P3H3: variants seen among roughly 807,000 people sequenced by gnomAD.
P3H3 encodes the protein gene rich cluster, B.
Under a neutral mutation model 78.1 loss-of-function variants are expected in P3H3, and 64 were observed. That is an observed-to-expected ratio of 0.82 (90% CI 0.67 to 1.01). The LOEUF is 1.01. Ranked by LOEUF, P3H3 falls within the 50% of genes least tolerant of loss-of-function variation. The pLI is 0.00. For missense variants in P3H3, 975 were observed against 982.2 expected, an observed-to-expected ratio of 0.99 and a Z score of 0.10; for synonymous variants, 425 against 416.7, an observed-to-expected ratio of 1.02 and a Z score of -0.24.
At chr12:6,838,562 G>A (rs782335568) in intron 13 of P3H3, among the ~76,000 whole-genome samples, 4 of 152,108 alleles carry the variant, frequency 2.6e-5, no homozygotes, top group East Asian at 1.9e-4. Context: ...GGAAATTTCC[G>A]GACACCAGGG....
At chr12:6,835,443 G>A (rs1371110666) in intron 9 of P3H3, among the ~76,000 whole-genome samples, 1 of 152,008 alleles carries the variant, frequency 6.6e-6, no homozygotes, top group African/African-American at 2.4e-5. Flanking sequence ...AAATTAGTGG[G>A]CATTGTGGCA....
chr12:6,831,261 T>A lies in P3H3; in HGVS notation c.1031T>A (p.Leu344His). The A allele has an allele frequency of 6.2e-7, 1 of 1,613,836 alleles. No individual in the cohort carries two copies. Among genetic ancestry groups the A allele is most frequent in the African/African-American group, 1.3e-5 (1 of 74,978 alleles). The change falls in exon 5 of 15, where the codon CTC (leucine) becomes CAC (histidine). Residue 344 changes from leucine to histidine, a missense_variant. Leu to His is a moderately conservative substitution (Grantham distance 99, BLOSUM62 -3). Coordinates refer to ENST00000290510, the MANE Select transcript of P3H3 (RefSeq NM_014262.5). The surrounding 1 kb of genome is among the most constrained non-coding windows in gnomAD (Gnocchi z 4.6). ...ATAGAAAATGTCCTGAGTGTCCTGC[T>A]CTTCTACCCGGAGGATGAGGCTGCC... ...QAIENVLSVL[L>H]FYPEDEAAKR...
intron 13 of P3H3, among the ~76,000 whole-genome samples, chr12:6,838,783 T>C (rs907587739): frequency 1.3e-5 from 2 of 152,176 alleles, no homozygotes; most frequent in South Asian, 2.1e-4. Context: ...TGGAGACCCC[T>C]TTTTCCTTTG....
At chr12:6,833,524 C>T in intron 6 of P3H3, 68 bp from the exon 7 acceptor site, 1 of 1,445,610 alleles carries the variant, frequency 6.9e-7, no homozygotes, top group Non-Finnish European at 9.7e-7. Flanking sequence ...TGAGATATTT[C>T]AGCTCTAATG....
rs1286720333 is a variant in P3H3 at position 6,839,683 on chromosome 12, G to A, written c.*222G>A. On this transcript the variant is annotated 3_prime_UTR_variant, in exon 15 of 15. Transcript: ENST00000290510. The stretch of plus-strand genomic sequence containing the variant: ...GCCTGGGGAGCTGGGACGGGGCCCC[G>A]CTGCCGGACCTGCAGCCCTGGACAG... 4 of 580,994 alleles carry A rather than the reference G, an allele frequency of 6.9e-6. No homozygotes were observed. The highest frequency in any genetic ancestry group is 3.7e-5 in the African/African-American group (2 of 53,736). 36.0% of individuals were successfully genotyped at this position (580,994 alleles called of 1,614,324 possible). A position where few individuals can be genotyped will look rare whatever the true frequency, so the allele number is the denominator to read the frequency against.
intron 6 of P3H3, 144 bp from the exon 7 acceptor site, chr12:6,833,448 C>A: frequency 1.4e-6 from 1 of 731,584 alleles, no homozygotes; most frequent in South Asian, 1.6e-5. Context: ...CTGCCCAGGG[C>A]TCCTGACATT....
Position 6,833,734 on chromosome 12 carries a change from C to T in P3H3, c.1266-8C>T, listed in dbSNP as rs782754375. The T allele has an allele frequency of 2.5e-6, 4 of 1,598,118 alleles. No individual in the cohort carries two copies. In the South Asian group the frequency reaches 3.3e-5, roughly 13 times the overall value. On this transcript the variant is annotated splice_polypyrimidine_tract_variant and splice_region_variant and intron_variant, in intron 7 of 14. Coordinates refer to ENST00000290510, the MANE Select transcript of P3H3 (RefSeq NM_014262.5). Reference sequence around the variant, plus strand: ...GGGCACCCACTGAGCGCATCTCTCACCCCTGAGAGAGGATCAAGAGAAGAG... The same window carrying T: ...GGGCACCCACTGAGCGCATCTCTCATCCCTGAGAGAGGATCAAGAGAAGAG...
chr12:6,829,118 G>T lies in P3H3; in HGVS notation c.498+180G>T. On this transcript the variant is annotated intron_variant, in intron 1 of 14. Coordinates refer to ENST00000290510, the MANE Select transcript of P3H3 (RefSeq NM_014262.5). This position sits in a 1 kb window ranked among gnomAD's most constrained non-coding sequence, Gnocchi z 5.1. ...ACCGCGAGGACCTCTTGAGATCGCA[G>T]AGGAGCAGCCGAGGGGGAGTGCGAG... 2.5e-6 allele frequency: 1 copy of T among 405,434 alleles called. No homozygotes were observed. The highest frequency in any genetic ancestry group is 3.6e-5 in the East Asian group (1 of 28,034). 25.1% of individuals were successfully genotyped at this position (405,434 alleles called of 1,614,324 possible). A position where few individuals can be genotyped will look rare whatever the true frequency, so the allele number is the denominator to read the frequency against.
intron 13 of P3H3, among the ~76,000 whole-genome samples, chr12:6,838,604 A>T (rs1193567240): frequency 2.0e-5 from 3 of 152,032 alleles, no homozygotes; most frequent in African/African-American, 7.2e-5. Context: ...AGGGGCAGTG[A>T]TTGTTCATCT....
rs782252502 is a variant in P3H3 at position 6,838,985 on chromosome 12, C to T, written c.1906-15C>T. On this transcript the variant is annotated splice_polypyrimidine_tract_variant and intron_variant, in intron 13 of 14. Coordinates refer to ENST00000290510, the MANE Select transcript of P3H3 (RefSeq NM_014262.5). ...GAGCCAATCCCTGGAGCTGAACCTGCCCTCATCCCTCCAGGCTCGGGTGCG... is the reference window on the plus strand; with the variant it reads ...GAGCCAATCCCTGGAGCTGAACCTGTCCTCATCCCTCCAGGCTCGGGTGCG... 2.6e-6 allele frequency: 4 copies of T among 1,567,932 alleles called. No individual in the cohort carries two copies. The highest frequency in any genetic ancestry group is 1.2e-5 in the South Asian group (1 of 83,470).
chr12:6,831,129 AC>A lies in P3H3; in HGVS notation c.986-85del, dbSNP rs782023902. ...GTTAGCTGTCTGGCCTCTGGAGACC[AC>A]CTTCTCCAGCACTGCCTCTGCCCCA... On this transcript the variant is annotated intron_variant, in intron 4 of 14. Coordinates refer to ENST00000290510, the MANE Select transcript of P3H3 (RefSeq NM_014262.5). The surrounding 1 kb of genome is among the most constrained non-coding windows in gnomAD (Gnocchi z 4.6). 318 of 1,548,696 alleles carry A rather than the reference AC, an allele frequency of 2.1e-4. 6 individuals are homozygous for A. The Middle Eastern group carries it at 5.4e-3, about 26-fold the overall frequency.
At position 6,839,043 on chromosome 12, in the gene P3H3, C is replaced by G. The variant is rs374454909; in HGVS notation, c.1949C>G (p.Ser650Cys). The G allele has an allele frequency of 1.9e-6, 3 of 1,611,908 alleles. No individual in the cohort carries two copies. Among genetic ancestry groups the G allele is most frequent in the Non-Finnish European group, 2.5e-6 (3 of 1,179,212 alleles). The change falls in exon 14 of 15, where the codon TCC (serine) becomes TGC (cysteine). Residue 650 changes from serine (S) to cysteine (C), a missense_variant. Coordinates refer to ENST00000290510, the MANE Select transcript of P3H3 (RefSeq NM_014262.5). ...TGTGGGCGCCTTGTGGCCTTCAGCT[C>G]CGGTGTCGAGAATCCCCATGGGGTG... ...PRCGRLVAFS[S>C]GVENPHGVWA...
chr12:6,830,106 A>G (rs909371432), intron 2 of P3H3, 95 bp downstream of exon 2: 22 of 1,497,250 alleles, frequency 1.5e-5, no homozygotes, highest in Non-Finnish European at 1.9e-5. Flanking sequence ...GCTTGAGCAT[A>G]CAGATGGGGT....
In P3H3 at chr12:6,839,375, G is replaced by T. The variant is rs1555122763; in HGVS notation, c.2125G>T (p.Asp709Tyr). Residue 709 changes from aspartate to tyrosine, a missense_variant, in exon 15 of 15, where the codon GAC (aspartate) becomes TAC (tyrosine). By Grantham distance (160) the Asp-to-Tyr change is radical (BLOSUM62 -3). Transcript: ENST00000290510. ...GGAAGAGGAAGAAATGCCCAGCAAAGACCCTTCCCCAGAGCCCCCTAGCCG... is the reference window on the plus strand; with the variant it reads ...GGAAGAGGAAGAAATGCCCAGCAAATACCCTTCCCCAGAGCCCCCTAGCCG... ...EEEEEEMPSK[D>Y]PSPEPPSRRH... The T allele has an allele frequency of 6.4e-7, 1 of 1,553,408 alleles. No individual in the cohort carries two copies. Among genetic ancestry groups the T allele is most frequent in the East Asian group, 2.4e-5 (1 of 40,996 alleles).
rs1943452498 is a variant in P3H3, at chr12:6,831,749, C to A, written c.1123-76C>A. 3 of 905,014 alleles carry A rather than the reference C, an allele frequency of 3.3e-6. No homozygotes were observed. In the African/African-American group the frequency reaches 4.9e-5, roughly 15 times the overall value. 56.1% of individuals were successfully genotyped at this position (905,014 alleles called of 1,614,324 possible). On this transcript the variant is annotated intron_variant, in intron 5 of 14. Coordinates refer to ENST00000290510, the MANE Select transcript of P3H3 (RefSeq NM_014262.5). This position sits in a 1 kb window ranked among gnomAD's most constrained non-coding sequence, Gnocchi z 4.6. ...TGCCAGGTTCAAGGAGCATGGAGCA[C>A]CCAGGCAGTGCCCTAGAGCCGGCGC...
At position 6,828,890 on chromosome 12, in the gene P3H3, C is replaced by G. The variant is rs1943415076; in HGVS notation, c.450C>G (p.Ala150=). Residue 150 remains alanine (A), a synonymous_variant, in exon 1 of 15, where the codon GCC becomes GCG. Coordinates refer to ENST00000290510, the MANE Select transcript of P3H3 (RefSeq NM_014262.5). The part of the protein sequence containing the change: ...RLRVGSALRD[A]FRRREPYNYL... ...GCGTGGGGAGCGCGCTCCGGGACGC[C>G]TTCCGCCGTCGGGAGCCCTACAACT... 1 of 1,247,696 alleles carries G rather than the reference C, an allele frequency of 8.0e-7. No homozygotes were observed. The highest frequency in any genetic ancestry group is 1.0e-6 in the Non-Finnish European group (1 of 995,968). 77.3% of individuals were successfully genotyped at this position (1,247,696 alleles called of 1,614,324 possible). A position where few individuals can be genotyped will look rare whatever the true frequency, so the allele number is the denominator to read the frequency against.
In P3H3 at chr12:6,838,052, G is replaced by A. The variant is rs781950613; in HGVS notation, c.1905+19G>A. On this transcript the variant is annotated intron_variant, in intron 13 of 14. Transcript: ENST00000290510. ...TGTCACGGTGCGTGGAGTGGGGGGT[G>A]TGACGGTGTGACAAAGGGCCCAGCT... The A allele has an allele frequency of 2.5e-5, 40 of 1,584,684 alleles. 1 individual carries two copies. In the South Asian group the frequency reaches 4.6e-4, roughly 18 times the overall value.
At chr12:6,838,764 G>A (rs1943526934) in intron 13 of P3H3, among the ~76,000 whole-genome samples, 1 of 152,158 alleles carries the variant, frequency 6.6e-6, no homozygotes, top group Non-Finnish European at 1.5e-5. Flanking sequence ...ACCAACAGGA[G>A]ACCATCCGTG....
At position 6,833,976 on chromosome 12, in the gene P3H3, A is replaced by T; in HGVS notation, c.1385A>T (p.Asn462Ile). 6 of 1,613,858 alleles carry T rather than the reference A, an allele frequency of 3.7e-6. No individual in the cohort carries two copies. Among genetic ancestry groups the T allele is most frequent in the Non-Finnish European group, 4.2e-6 (5 of 1,179,868 alleles). ...VTLTQDSRQL[N>I]GSERAVLDGL... is the part of the protein sequence containing the mutation. ...TTGACCCAGGATTCCAGGCAGCTGAATGGGTCGGAGCGGGCGGTGTTGGAT... is the reference window on the plus strand; with the variant it reads ...TTGACCCAGGATTCCAGGCAGCTGATTGGGTCGGAGCGGGCGGTGTTGGAT... The change falls in exon 9 of 15, where the codon AAT becomes ATT. Residue 462 changes from asparagine (N) to isoleucine (I), a missense_variant. Coordinates refer to ENST00000290510, the MANE Select transcript of P3H3 (RefSeq NM_014262.5).
Sources: gnomAD v4.1 joint callset for allele counts (sites outside exome capture counted in the v4.1 genomes callset) on GRCh38, gnomAD v4.1.1 for gene constraint, Gnocchi (gnomAD v3.1) non-coding constraint, MANE v1.5 for transcripts, NCBI Gene and HGNC (gene_info 2026-07-23, HGNC 2026-07-21) for gene names.